ENPP3: variants seen among roughly 807,000 people sequenced by gnomAD.
The protein encoded by ENPP3 is ectonucleotide pyrophosphatase/phosphodiesterase 3.
In ENPP3, 104 loss-of-function variants were observed where a neutral mutation model predicts 117.8. That is an observed-to-expected ratio of 0.88 (90% CI 0.75 to 1.04). The LOEUF (loss-of-function observed/expected upper bound fraction) is 1.04. Among genes scored for constraint, ENPP3 ranks in the 50% least tolerant of loss-of-function variants. The pLI, the probability that ENPP3 is intolerant of heterozygous loss-of-function variation, is 0.00. For missense variants in ENPP3, 1,026 were observed against 1,051.9 expected, an observed-to-expected ratio of 0.98 and a Z score of 0.34; for synonymous variants, 380 against 349.9, an observed-to-expected ratio of 1.09 and a Z score of -0.96.
rs1045370665 is a variant in ENPP3, at chr6:131,671,130, T to A, written c.563-118T>A. The A allele has an allele frequency of 8.1e-5, 56 of 687,914 alleles. No individual in the cohort carries two copies. In the African/African-American group the frequency reaches 9.6e-4, roughly 12 times the overall value. The allele number at this position is 687,914 out of a possible 1,614,324, so 42.6% of individuals were successfully genotyped here. ...CAGAATTTCAACCTCTTTCCATCTTTAATCCACTTTTTAGTTTGTTTTTTA... is the reference window on the plus strand; with the variant it reads ...CAGAATTTCAACCTCTTTCCATCTTAAATCCACTTTTTAGTTTGTTTTTTA... On this transcript the variant is annotated intron_variant, in intron 6 of 24. Transcript: ENST00000357639.
At chr6:131,675,261 T>C in intron 9 of ENPP3, 72 bp downstream of exon 9, 1 of 1,035,800 alleles carries the variant, frequency 9.7e-7, no homozygotes, top group Non-Finnish European at 1.5e-6. Context: ...TTAATCTTGG[T>C]GGCAATTCTA....
intron 2 of ENPP3, among the ~76,000 whole-genome samples, chr6:131,643,470 C>T (rs572981311): frequency 6.6e-6 from 1 of 152,256 alleles, no homozygotes; most frequent in African/African-American, 2.4e-5. Context: ...CCCTATGTGG[C>T]AGCATGCTCT....
chr6:131,663,121 G>T, intron 6 of ENPP3, among the ~76,000 whole-genome samples: 1 of 150,304 alleles, frequency 6.7e-6, no homozygotes, highest in Non-Finnish European at 1.5e-5. Flanking sequence ...TGAAAATAGG[G>T]ACAGGTTTAC....
intron 9 of ENPP3, among the ~76,000 whole-genome samples, chr6:131,675,529 C>A (rs1158561044): frequency 6.6e-6 from 1 of 152,118 alleles, no homozygotes; most frequent in African/African-American, 2.4e-5. Context: ...AGAGGGATTC[C>A]TTTAAAATTC....
chr6:131,716,600 T>C (rs557609819), intron 15 of ENPP3, among the ~76,000 whole-genome samples: 2 of 150,090 alleles, frequency 1.3e-5, no homozygotes, highest in African/African-American at 2.4e-5. Context: ...AATTACCTCC[T>C]ACTAAATAAT....
intron 11 of ENPP3, among the ~76,000 whole-genome samples, chr6:131,679,017 CCTTCCTTCCT>C (rs1778951586): frequency 1.0e-5 from 1 of 96,144 alleles, no homozygotes; most frequent in Admixed American, 1.1e-4. Context: ...TTCCTTCCTT[CCTTCCTTCCT>C]TCTTTCTTTC....
chr6:131,740,313 G>T lies in ENPP3; in HGVS notation c.2390G>T (p.Cys797Phe), dbSNP rs1413106777. Residue 797 changes from cysteine to phenylalanine, a missense_variant, in exon 24 of 25, where the codon TGC (cysteine) becomes TTC (phenylalanine). Transcript: ENST00000357639. The stretch of plus-strand genomic sequence containing the variant: ...AACAAGAGCCACACACCGGAAAACT[G>T]CCCTGGGTGGCTGGATGTCCTACCC... ...CKNKSHTPEN[C>F]PGWLDVLPFI... The T allele has an allele frequency of 1.2e-6, 2 of 1,613,134 alleles. No individual in the cohort carries two copies. Among genetic ancestry groups the T allele is most frequent in the Non-Finnish European group, 1.7e-6 (2 of 1,179,488 alleles).
At chr6:131,674,487 G>T in intron 8 of ENPP3, 1 of 583,534 alleles carries the variant, frequency 1.7e-6, no homozygotes, top group Non-Finnish European at 3.1e-6. Flanking sequence ...TTTAAACTTG[G>T]ATATTGGGTT....
Position 131,722,320 on chromosome 6 carries a change from A to T in ENPP3, c.1661A>T (p.Glu554Val). The T allele has an allele frequency of 6.2e-7, 1 of 1,614,050 alleles. No homozygotes were observed. The highest frequency in any genetic ancestry group is 8.5e-7 in the Non-Finnish European group (1 of 1,179,930). The change falls in exon 18 of 25, where the codon GAG becomes GTG. Residue 554 changes from glutamate to valine, a missense_variant. Transcript: ENST00000357639. Reference protein sequence around the residue: ...KVPFYEPSHAEEVSKFSVCGF... With the variant: ...KVPFYEPSHAVEVSKFSVCGF... Reference sequence around the variant, plus strand: ...CCTTTTTATGAGCCATCCCATGCAGAGGAGGTGTCAAAGTTTTCTGTTTGT... The same window carrying T: ...CCTTTTTATGAGCCATCCCATGCAGTGGAGGTGTCAAAGTTTTCTGTTTGT...
chr6:131,646,400 G>A (rs902721256), intron 2 of ENPP3, among the ~76,000 whole-genome samples: 1 of 151,520 alleles, frequency 6.6e-6, no homozygotes, highest in African/African-American at 2.4e-5. Flanking sequence ...CTTTCATGTA[G>A]GTTGCTATCC....
intron 19 of ENPP3, among the ~76,000 whole-genome samples, chr6:131,724,729 C>T (rs1210715799): frequency 6.6e-6 from 1 of 152,076 alleles, no homozygotes; most frequent in Non-Finnish European, 1.5e-5. Flanking sequence ...TTTTGATAAT[C>T]TTATAATCTG....
intron 14 of ENPP3, among the ~76,000 whole-genome samples, chr6:131,689,860 G>A (rs1779239576): frequency 6.6e-6 from 1 of 152,142 alleles, no homozygotes; most frequent in Admixed American, 6.5e-5. Context: ...ATTAATAGGA[G>A]TTTGGAAGAA....
At chr6:131,649,155 G>A (rs1376133814) in intron 2 of ENPP3, among the ~76,000 whole-genome samples, 1 of 151,910 alleles carries the variant, frequency 6.6e-6, no homozygotes, top group African/African-American at 2.4e-5. Flanking sequence ...TCTTCCTTCA[G>A]GCCCTTATCA....
chr6:131,738,367 C>T (rs917978525), intron 23 of ENPP3, among the ~76,000 whole-genome samples: 6 of 151,982 alleles, frequency 3.9e-5, no homozygotes, highest in Admixed American at 1.3e-4. Context: ...AAAACACTTC[C>T]TGGAAAAGTT....
intron 12 of ENPP3, among the ~76,000 whole-genome samples, chr6:131,683,772 A>C (rs1779084569): frequency 7.5e-6 from 1 of 133,600 alleles, no homozygotes; most frequent in Non-Finnish European, 1.5e-5. Flanking sequence ...TTTTTTTGAG[A>C]TAGAGTCTCG....
chr6:131,662,994 A>C (rs1225915503), intron 6 of ENPP3, among the ~76,000 whole-genome samples: 1 of 152,156 alleles, frequency 6.6e-6, no homozygotes, highest in African/African-American at 2.4e-5. Context: ...TAGAAATGCA[A>C]CTGATTTTTG....
chr6:131,718,504 A>G (rs1484427750), intron 15 of ENPP3, among the ~76,000 whole-genome samples, 168 bp from the exon 16 acceptor site: 1 of 152,014 alleles, frequency 6.6e-6, no homozygotes, highest in African/African-American at 2.4e-5. Context: ...TTTATTCATT[A>G]TTGATATAAA....
At chr6:131,728,872 TG>T (rs1408104161) in intron 20 of ENPP3, among the ~76,000 whole-genome samples, 1 of 152,232 alleles carries the variant, frequency 6.6e-6, no homozygotes, top group Non-Finnish European at 1.5e-5. Flanking sequence ...ACATAGATTT[TG>T]CTTCTGGGCC....
At chr6:131,641,340 C>A in intron 1 of ENPP3, 115 bp from the exon 2 acceptor site, 1 of 545,064 alleles carries the variant, frequency 1.8e-6, no homozygotes, top group Non-Finnish European at 3.3e-6. Context: ...GATCTGGTAT[C>A]TGGCATAACT....
Sources: gnomAD v4.1 joint callset for allele counts (sites outside exome capture counted in the v4.1 genomes callset) on GRCh38, gnomAD v4.1.1 for gene constraint, MANE v1.5 for transcripts, NCBI Gene and HGNC (gene_info 2026-07-23, HGNC 2026-07-21) for gene names.